The following PAWR variants were observed in gnomAD, a reference collection of about 807,000 sequenced individuals.
The protein encoded by PAWR is PRKC apoptosis WT1 regulator protein.
PAWR carries 23 observed loss-of-function variants against 32.0 expected under a neutral mutation model. The ratio of observed to expected loss-of-function variants is 0.72; its 90% CI spans 0.52 to 1.02. PAWR has a LOEUF of 1.02. Ranked by LOEUF, PAWR falls within the 50% of genes least tolerant of loss-of-function variation. The probability of loss-of-function intolerance (pLI) is 0.00; values close to 1 mark genes in which losing one functional copy is unlikely to be tolerated. For missense variants in PAWR, 457 were observed against 437.7 expected (o/e 1.04, Z -0.39); for synonymous variants, 226 against 187.1 (o/e 1.21, Z -1.70).
Position 79,585,079 on chromosome 12 carries a change from G to T in PAWR, c.*7528C>A. On this transcript the variant is annotated 3_prime_UTR_variant, in exon 7 of 7. Transcript: ENST00000328827. ...TACTAAATTAATGGGGGTTATGTCAGGATGCCAATGTCCATGCTGAGGCTT... is the reference window on the plus strand; with the variant it reads ...TACTAAATTAATGGGGGTTATGTCATGATGCCAATGTCCATGCTGAGGCTT... 2.4e-6 allele frequency: 1 copy of T among 421,056 alleles called. No homozygotes were observed. The highest frequency in any genetic ancestry group is 4.6e-6 in the Non-Finnish European group (1 of 215,636). 26.1% of individuals were successfully genotyped at this position (421,056 alleles called of 1,614,324 possible). A position where few individuals can be genotyped will look rare whatever the true frequency, so the allele number is the denominator to read the frequency against.
At chr12:79,626,403 G>A (rs1875321577) in intron 2 of PAWR, among the ~76,000 whole-genome samples, 2 of 149,018 alleles carry the variant, frequency 1.3e-5, no homozygotes, top group African/African-American at 4.9e-5. Flanking sequence ...GGGACTACAG[G>A]CGCCCACCAC....
chr12:79,686,477 G>C (rs1026342087), intron 2 of PAWR, among the ~76,000 whole-genome samples: 1 of 152,042 alleles, frequency 6.6e-6, no homozygotes, highest in African/African-American at 2.4e-5. Flanking sequence ...AATCAAATGG[G>C]GAACTTATAA....
intron 2 of PAWR, among the ~76,000 whole-genome samples, chr12:79,681,032 T>C (rs555399588): frequency 1.1e-4 from 16 of 151,174 alleles, no homozygotes; most frequent in African/African-American, 3.9e-4. Context: ...GGAGGATCTC[T>C]TGAACTCAGG....
intron 2 of PAWR, among the ~76,000 whole-genome samples, chr12:79,661,085 G>A (rs1191607939): frequency 1.3e-5 from 2 of 151,156 alleles, no homozygotes; most frequent in African/African-American, 4.9e-5. Flanking sequence ...CTGGCCAACA[G>A]GGTGAAACCC....
intron 2 of PAWR, among the ~76,000 whole-genome samples, chr12:79,648,594 G>A (rs1876689496): frequency 6.9e-6 from 1 of 145,278 alleles, no homozygotes; most frequent in South Asian, 2.2e-4. Context: ...ACCAACCTGG[G>A]CAACATAATG....
intron 2 of PAWR, among the ~76,000 whole-genome samples, chr12:79,687,098 A>T (rs941111460): frequency 6.6e-6 from 1 of 152,230 alleles, no homozygotes; most frequent in African/African-American, 2.4e-5. Context: ...TAGAAAATGT[A>T]AAAATTTAGA....
chr12:79,615,407 A>T (rs1432036453), intron 3 of PAWR, among the ~76,000 whole-genome samples: 1 of 152,192 alleles, frequency 6.6e-6, no homozygotes, highest in African/African-American at 2.4e-5. Context: ...AACCAGTTGC[A>T]GGAAATAACC....
chr12:79,676,765 AG>A (rs1878191010), intron 2 of PAWR, among the ~76,000 whole-genome samples: 1 of 151,568 alleles, frequency 6.6e-6, no homozygotes, highest in Non-Finnish European at 1.5e-5. Context: ...TACCCCAATC[AG>A]GTTACTAATT....
intron 2 of PAWR, among the ~76,000 whole-genome samples, chr12:79,634,805 T>C (rs1875882761): frequency 6.6e-6 from 1 of 151,126 alleles, no homozygotes; most frequent in African/African-American, 2.5e-5. Flanking sequence ...GGGTTGATGA[T>C]TATTATTGCT....
At chr12:79,632,361 ATTTT>A (rs755937992) in intron 2 of PAWR, among the ~76,000 whole-genome samples, 4 of 20,598 alleles carry the variant, frequency 1.9e-4, no homozygotes, top group East Asian at 3.4e-3. Context: ...ATATATATAT[ATTTT>A]TTTTTTTTTT....
At chr12:79,676,647 T>G (rs1878184268) in intron 2 of PAWR, among the ~76,000 whole-genome samples, 1 of 152,170 alleles carries the variant, frequency 6.6e-6, no homozygotes, top group Non-Finnish European at 1.5e-5. Context: ...CCTGCTCAAG[T>G]TCTCCTGTAG....
intron 2 of PAWR, among the ~76,000 whole-genome samples, chr12:79,673,465 T>C (rs1417447639): frequency 2.0e-5 from 3 of 152,184 alleles, no homozygotes; most frequent in Non-Finnish European, 4.4e-5. Context: ...TTCTTCAAGT[T>C]TGCTTCCTGT....
At chr12:79,665,918 T>C (rs976933570) in intron 2 of PAWR, among the ~76,000 whole-genome samples, 1 of 152,198 alleles carries the variant, frequency 6.6e-6, no homozygotes, top group Admixed American at 6.5e-5. Flanking sequence ...TAAATAAGCA[T>C]TTTAAGCTAA....
intron 4 of PAWR, among the ~76,000 whole-genome samples, chr12:79,600,946 A>C (rs763868032): frequency 5.3e-5 from 8 of 152,236 alleles, no homozygotes; most frequent in Non-Finnish European, 7.4e-5. Context: ...GATGATGACA[A>C]GTCAAAATGC....
chr12:79,585,013 A>T lies in PAWR; in HGVS notation c.*7594T>A. ...CAGACAAACAATGATTTTATTCCATAGTCTCTTGGACTTGAGAATCCATTT... is the reference window on the plus strand; with the variant it reads ...CAGACAAACAATGATTTTATTCCATTGTCTCTTGGACTTGAGAATCCATTT... On this transcript the variant is annotated 3_prime_UTR_variant, in exon 7 of 7. Transcript: ENST00000328827. 3.5e-6 allele frequency: 1 copy of T among 289,348 alleles called. No individual in the cohort carries two copies. The allele number at this position is 289,348 out of a possible 1,614,324, so 17.9% of individuals were successfully genotyped here. A position where few individuals can be genotyped will look rare whatever the true frequency, so the allele number is the denominator to read the frequency against.
At chr12:79,665,881 T>C (rs1384750499) in intron 2 of PAWR, among the ~76,000 whole-genome samples, 1 of 152,208 alleles carries the variant, frequency 6.6e-6, no homozygotes, top group Non-Finnish European at 1.5e-5. Flanking sequence ...TTCTCTTCCA[T>C]GGAGTTAATA....
At chr12:79,604,132 T>G in intron 4 of PAWR, 10 of 530,518 alleles carry the variant, frequency 1.9e-5, no homozygotes, top group Non-Finnish European at 2.4e-5. Context: ...AAGCCAGATA[T>G]GCACAGTGCA....
intron 2 of PAWR, among the ~76,000 whole-genome samples, chr12:79,647,672 C>G (rs980667482): frequency 6.6e-6 from 1 of 152,146 alleles, no homozygotes; most frequent in African/African-American, 2.4e-5. Context: ...TTATGCATAT[C>G]TGCCTTTTAC....
chr12:79,657,320 T>G (rs576644604), intron 2 of PAWR, among the ~76,000 whole-genome samples: 1 of 152,216 alleles, frequency 6.6e-6, no homozygotes, highest in East Asian at 1.9e-4. Context: ...GATTGTTCAT[T>G]CAATACCTTG....
Sources: allele counts gnomAD v4.1 joint callset (sites outside exome capture counted in the v4.1 genomes callset), GRCh38; gene constraint gnomAD v4.1.1; transcripts MANE v1.5; gene names NCBI Gene and HGNC (gene_info 2026-07-23, HGNC 2026-07-21).